Variants in CDH12 observed in about 807,000 individuals in gnomAD.
The protein encoded by CDH12 is cadherin 12.
A neutral mutation model predicts 74.1 loss-of-function variants in CDH12; 41 were observed. The observed-to-expected ratio is 0.55, with a 90% confidence interval of 0.43 to 0.72. CDH12 has a LOEUF of 0.72. Among genes scored for constraint, CDH12 ranks in the 30% least tolerant of loss-of-function variants. CDH12 has a pLI of 0.00. For missense variants in CDH12, 945 were observed against 977.2 expected, an observed-to-expected ratio of 0.97 and a Z score of 0.44; for synonymous variants, 399 against 355.0, an observed-to-expected ratio of 1.12 and a Z score of -1.39.
chr5:22,817,516 T>C (rs1250737635), intron 1 of CDH12, among the ~76,000 whole-genome samples: 4 of 152,128 alleles, frequency 2.6e-5, no homozygotes, highest in Non-Finnish European at 4.4e-5. Flanking sequence ...GTTTGTTGTA[T>C]ATAATTGTGT....
intron 6 of CDH12, chr5:21,883,576 G>A: frequency 6.2e-7 from 1 of 1,604,480 alleles, no homozygotes. Flanking sequence ...GGAGAAGAGG[G>A]GTTGACCCTG....
chr5:22,043,650 T>C (rs968025932), intron 5 of CDH12, among the ~76,000 whole-genome samples: 1 of 151,846 alleles, frequency 6.6e-6, no homozygotes. Context: ...GAACATTCAC[T>C]GTCCCTGTTT....
chr5:22,423,565 G>A (rs971096767), intron 2 of CDH12, among the ~76,000 whole-genome samples: 8 of 152,164 alleles, frequency 5.3e-5, no homozygotes, highest in African/African-American at 1.9e-4. Context: ...TGTGTACTTA[G>A]TGTTTGTACG....
intron 1 of CDH12, among the ~76,000 whole-genome samples, chr5:22,708,878 T>A (rs139118357): frequency 6.6e-6 from 1 of 152,264 alleles, no homozygotes; most frequent in East Asian, 1.9e-4. Flanking sequence ...GAAGCATCCA[T>A]GAGCGGGAAG....
intron 1 of CDH12, among the ~76,000 whole-genome samples, chr5:22,674,160 A>G (rs1015846631): frequency 2.6e-5 from 4 of 152,218 alleles, no homozygotes; most frequent in African/African-American, 9.6e-5. Flanking sequence ...TAAAATTCAA[A>G]TAAGACTTCA....
chr5:22,754,775 C>A (rs1013386605), intron 1 of CDH12, among the ~76,000 whole-genome samples: 1 of 152,040 alleles, frequency 6.6e-6, no homozygotes, highest in African/African-American at 2.4e-5. Context: ...ATTCTGCCAG[C>A]AGCATGGAAA....
intron 3 of CDH12, among the ~76,000 whole-genome samples, chr5:22,398,930 T>C (rs1742585858): frequency 6.6e-6 from 1 of 152,124 alleles, no homozygotes. Flanking sequence ...CAGGGTACGT[T>C]TGGCTTTCCT....
chr5:22,342,795 CTTCTTTCTCT>C (rs1433973836), intron 3 of CDH12, among the ~76,000 whole-genome samples: 1 of 119,764 alleles, frequency 8.3e-6, no homozygotes, highest in Middle Eastern at 3.4e-3. Flanking sequence ...CCCTCCCTCC[CTTCTTTCTCT>C]TTCTTTCTCT....
intron 1 of CDH12, among the ~76,000 whole-genome samples, chr5:22,803,777 T>G (rs1455962834): frequency 6.6e-6 from 1 of 152,180 alleles, no homozygotes; most frequent in Non-Finnish European, 1.5e-5. Flanking sequence ...AAAGCCTCGT[T>G]ATGTAAGTGA....
At chr5:22,668,858 T>C (rs1740759865) in intron 1 of CDH12, among the ~76,000 whole-genome samples, 1 of 152,058 alleles carries the variant, frequency 6.6e-6, no homozygotes, top group Admixed American at 6.6e-5. Flanking sequence ...TCTCTTCTCC[T>C]CCCTCCTCCT....
intron 1 of CDH12, among the ~76,000 whole-genome samples, chr5:22,681,338 G>A (rs1741483895): frequency 1.3e-5 from 2 of 151,452 alleles, no homozygotes; most frequent in South Asian, 4.2e-4. Context: ...GCATGAGAGG[G>A]TAAACTTCAT....
chr5:21,921,942 A>T (rs1754371738), intron 6 of CDH12, among the ~76,000 whole-genome samples: 1 of 152,180 alleles, frequency 6.6e-6, no homozygotes, highest in Admixed American at 6.5e-5. Context: ...TCAAAGCTTC[A>T]AATTGTTTCT....
intron 3 of CDH12, among the ~76,000 whole-genome samples, chr5:22,306,152 A>G: frequency 6.6e-6 from 1 of 152,274 alleles, no homozygotes; most frequent in Middle Eastern, 3.4e-3. Context: ...CTACTACAAG[A>G]ACCCTTCTGC....
At chr5:22,132,685 T>A (rs532914016) in intron 4 of CDH12, among the ~76,000 whole-genome samples, 81 of 152,208 alleles carry the variant, frequency 5.3e-4, no homozygotes, top group Non-Finnish European at 9.6e-4. Context: ...CAAATACAAG[T>A]AAAACCAAAA....
intron 5 of CDH12, among the ~76,000 whole-genome samples, chr5:22,024,949 TA>T (rs1738252423): frequency 6.6e-6 from 1 of 152,114 alleles, no homozygotes; most frequent in African/African-American, 2.4e-5. Context: ...GAAACCCACC[TA>T]AAAAATTGAA....
At chr5:22,588,860 C>A (rs4701291) in intron 1 of CDH12, among the ~76,000 whole-genome samples, 9,145 of 152,080 alleles carry the variant, frequency 0.06, 411 homozygotes, top group East Asian at 0.24. Flanking sequence ...AAGCCCTGCC[C>A]CTGCAGTTAT....
chr5:22,803,065 A>G (rs1446540928), intron 1 of CDH12, among the ~76,000 whole-genome samples: 2 of 152,122 alleles, frequency 1.3e-5, no homozygotes, highest in African/African-American at 4.8e-5. Context: ...CCCAACATCA[A>G]CTTTCCCACT....
At position 22,701,632 on chromosome 5, in the gene CDH12, G is replaced by T. The variant is rs151205039; in HGVS notation, c.-523+151426C>A. On this transcript the variant is annotated intron_variant, in intron 1 of 14. Coordinates refer to ENST00000382254, the MANE Select transcript of CDH12 (RefSeq NM_004061.5). Reference sequence around the variant, plus strand: ...AATATCTTTCATGTCCTAAAGCATTGCCTTTTATTACTGGTTTTAGATCAA... The same window carrying T: ...AATATCTTTCATGTCCTAAAGCATTTCCTTTTATTACTGGTTTTAGATCAA... 2.5e-3 allele frequency among the ~76,000 whole-genome samples: 387 copies of T among 152,042 alleles called. 1 individual carries two copies. The highest frequency in any genetic ancestry group is 8.9e-3 in the African/African-American group (370 of 41,490).
At chr5:22,542,969 T>C (rs979588865) in intron 1 of CDH12, among the ~76,000 whole-genome samples, 1 of 152,192 alleles carries the variant, frequency 6.6e-6, no homozygotes, top group African/African-American at 2.4e-5. Flanking sequence ...TATTTTTGCC[T>C]GTAATTTATT....
Sources: allele counts gnomAD v4.1 joint callset (sites outside exome capture counted in the v4.1 genomes callset), GRCh38; gene constraint gnomAD v4.1.1; transcripts MANE v1.5; gene names NCBI Gene and HGNC (gene_info 2026-07-23, HGNC 2026-07-21).